Variants in CHSY3 observed in about 807,000 individuals in gnomAD.
CHSY3 encodes chondroitin sulfate synthase 3.
In CHSY3, 35 loss-of-function variants were observed where a neutral mutation model predicts 67.2. The ratio of observed to expected loss-of-function variants is 0.52; its 90% confidence interval spans 0.40 to 0.69. CHSY3 has a LOEUF of 0.69. CHSY3 is among the 30% of genes least tolerant of loss of function. The probability of loss-of-function intolerance (pLI) is 0.00; values close to 1 mark genes in which losing one functional copy is unlikely to be tolerated. For synonymous variants in CHSY3, 474 were observed against 434.7 expected, an observed-to-expected ratio of 1.09 and a Z score of -1.12; for missense variants, 1,069 against 1,138.5, an observed-to-expected ratio of 0.94 and a Z score of 0.88.
chr5:130,143,796 A>ATGTG (rs1380370057), intron 2 of CHSY3, among the ~76,000 whole-genome samples: 5 of 92,250 alleles, frequency 5.4e-5, no homozygotes, highest in African/African-American at 2.0e-4. Flanking sequence ...ATATATATAT[A>ATGTG]TATATATATG....
chr5:130,140,677 G>T (rs1439508417), intron 2 of CHSY3: 3 of 334,552 alleles, frequency 9.0e-6, no homozygotes, highest in African/African-American at 4.4e-5. Context: ...CTGACGTTAG[G>T]TCTACAGCCA....
At position 130,178,527 on chromosome 5, in the gene CHSY3, C is replaced by G. The variant is rs554360645; in HGVS notation, c.1087-5702C>G. Among the ~76,000 whole-genome samples, 304 of 152,076 alleles carry G rather than the reference C, an allele frequency of 2.0e-3. 1 individual carries two copies. The highest frequency in any genetic ancestry group is 6.7e-3 in the African/African-American group (279 of 41,504). The stretch of plus-strand genomic sequence containing the variant: ...TCGGCCTCCGAAAGTGCTGGGATTA[C>G]AGGCGTGAGCCACAGCACCCGGCCG... On this transcript the variant is annotated intron_variant, in intron 2 of 2. Coordinates refer to ENST00000305031, the MANE Select transcript of CHSY3 (RefSeq NM_175856.5).
intron 2 of CHSY3, among the ~76,000 whole-genome samples, chr5:130,030,519 A>G (rs1764676143): frequency 6.6e-6 from 1 of 152,202 alleles, no homozygotes; most frequent in Non-Finnish European, 1.5e-5. Context: ...TGCTTAGAAC[A>G]TTATTCAAAA....
chr5:130,072,831 G>T (rs1334999838), intron 2 of CHSY3, among the ~76,000 whole-genome samples: 1 of 152,106 alleles, frequency 6.6e-6, no homozygotes, highest in Admixed American at 6.6e-5. Context: ...AGGAAATTCT[G>T]CCATTCATGA....
intron 2 of CHSY3, among the ~76,000 whole-genome samples, chr5:130,012,759 G>A (rs1764104573): frequency 6.6e-6 from 1 of 152,056 alleles, no homozygotes; most frequent in Non-Finnish European, 1.5e-5. Context: ...TGAGATTTGG[G>A]TGGGGGCACA....
intron 2 of CHSY3, among the ~76,000 whole-genome samples, chr5:130,098,888 A>G (rs1409728726): frequency 6.6e-6 from 1 of 152,188 alleles, no homozygotes. Flanking sequence ...AGTTGCCTTT[A>G]ATTATTAGTG....
chr5:130,163,880 A>G (rs1009744566), intron 2 of CHSY3, among the ~76,000 whole-genome samples: 1 of 152,226 alleles, frequency 6.6e-6, no homozygotes, highest in African/African-American at 2.4e-5. Flanking sequence ...GGTGTCCTGG[A>G]GTTGACAGAG....
At chr5:129,988,431 T>A (rs964782416) in intron 2 of CHSY3, among the ~76,000 whole-genome samples, 3 of 152,222 alleles carry the variant, frequency 2.0e-5, no homozygotes, top group Non-Finnish European at 4.4e-5. Flanking sequence ...TGGTAAGGAC[T>A]GTCATGAAGC....
chr5:129,955,312 G>A (rs1222200826), intron 2 of CHSY3, among the ~76,000 whole-genome samples: 1 of 152,042 alleles, frequency 6.6e-6, no homozygotes, highest in African/African-American at 2.4e-5. Flanking sequence ...TCTTGCCCAA[G>A]TTTGGGTCTG....
chr5:129,912,577 G>A (rs547671698), intron 2 of CHSY3, among the ~76,000 whole-genome samples: 25 of 152,114 alleles, frequency 1.6e-4, no homozygotes, highest in Admixed American at 9.8e-4. Flanking sequence ...ATTTCCTTCC[G>A]CTTGGTGATA....
intron 2 of CHSY3, among the ~76,000 whole-genome samples, chr5:130,104,622 A>G (rs1767356693): frequency 6.6e-6 from 1 of 151,780 alleles, no homozygotes; most frequent in African/African-American, 2.4e-5. Context: ...AAGCAAAGCC[A>G]TGAGGATATT....
intron 2 of CHSY3, among the ~76,000 whole-genome samples, chr5:130,098,152 C>T (rs888589339): frequency 6.6e-6 from 1 of 152,106 alleles, no homozygotes; most frequent in Non-Finnish European, 1.5e-5. Context: ...GGATACAAAA[C>T]ATTTTCATCC....
At chr5:130,091,142 G>A (rs13166074) in intron 2 of CHSY3, among the ~76,000 whole-genome samples, 19 of 94,512 alleles carry the variant, frequency 2.0e-4, no homozygotes, top group African/African-American at 6.0e-4. Context: ...ACACGCACAC[G>A]CGCGCACACA....
At chr5:130,141,243 A>G (rs1768855570) in intron 2 of CHSY3, 1 of 491,520 alleles carries the variant, frequency 2.0e-6, no homozygotes, top group Admixed American at 2.5e-5. Context: ...AACTGCTGGT[A>G]GAGTCATGAC....
intron 2 of CHSY3, among the ~76,000 whole-genome samples, chr5:129,932,140 A>ATATATATGTATGTATG (rs1183646627): frequency 2.9e-5 from 4 of 136,348 alleles, no homozygotes; most frequent in African/African-American, 1.2e-4. Flanking sequence ...ATATATATAT[A>ATATATATGTATGTATG]TATGTATATG....
At chr5:129,988,407 A>T (rs1001357735) in intron 2 of CHSY3, among the ~76,000 whole-genome samples, 5 of 152,218 alleles carry the variant, frequency 3.3e-5, no homozygotes, top group Non-Finnish European at 5.9e-5. Flanking sequence ...AAACACTGGT[A>T]AAGAATCAGA....
intron 2 of CHSY3, among the ~76,000 whole-genome samples, chr5:129,913,406 A>G (rs1348168846): frequency 1.3e-5 from 2 of 152,232 alleles, no homozygotes; most frequent in South Asian, 2.1e-4. Context: ...AAGAGTTAAT[A>G]TGTTACAAAT....
chr5:130,095,886 G>C lies in CHSY3; in HGVS notation c.1087-88343G>C, dbSNP rs571084255. On this transcript the variant is annotated intron_variant, in intron 2 of 2. Coordinates refer to ENST00000305031, the MANE Select transcript of CHSY3 (RefSeq NM_175856.5). Reference sequence around the variant, plus strand: ...ATACGTATAGTCATAATGAACCCCCGATATGACGCACTGCGGAGACTACAT... The same window carrying C: ...ATACGTATAGTCATAATGAACCCCCCATATGACGCACTGCGGAGACTACAT... Among the ~76,000 whole-genome samples, 4 of 152,276 alleles carry C rather than the reference G, an allele frequency of 2.6e-5. No individual in the cohort carries two copies. In the South Asian group the frequency reaches 8.3e-4, roughly 32 times the overall value.
chr5:130,108,977 A>G (rs1019178822), intron 2 of CHSY3, among the ~76,000 whole-genome samples: 2 of 151,720 alleles, frequency 1.3e-5, no homozygotes, highest in South Asian at 2.1e-4. Flanking sequence ...GGTATTATCC[A>G]TTTGACTATG....
Sources: gnomAD v4.1 joint callset for allele counts (sites outside exome capture counted in the v4.1 genomes callset) on GRCh38, gnomAD v4.1.1 for gene constraint, MANE v1.5 for transcripts, NCBI Gene and HGNC (gene_info 2026-07-23, HGNC 2026-07-21) for gene names.